Variants in GRN observed in about 807,000 individuals in gnomAD.
GRN encodes the protein granulin precursor.
GRN carries 30 observed loss-of-function variants against 66.7 expected under a neutral mutation model. The ratio of observed to expected loss-of-function variants is 0.45; its 90% CI spans 0.34 to 0.61. The LOEUF is 0.61. GRN is among the 20% of genes least tolerant of loss of function. GRN has a pLI of 0.01. For missense variants in GRN, 731 were observed against 803.5 expected (o/e 0.91, Z 1.09); for synonymous variants, 327 against 311.1 (o/e 1.05, Z -0.54).
At chr17:44,351,262 C>T (rs1238308928) in intron 8 of GRN, 99 bp downstream of exon 8, 27 of 1,534,752 alleles carry the variant, frequency 1.8e-5, no homozygotes, top group Non-Finnish European at 2.1e-5. Flanking sequence ...CGGTACCCTC[C>T]ATCTTCAACA....
Position 44,352,047 on chromosome 17 carries a change from C to T in GRN, c.1212C>T (p.Cys404=), listed in dbSNP as rs193026789. The T allele has an allele frequency of 7.4e-6, 12 of 1,613,480 alleles. No individual in the cohort carries two copies. In the East Asian group the frequency reaches 8.9e-5, roughly 12 times the overall value. The stretch of plus-strand genomic sequence containing the variant: ...GCTGCTCGGACCACCAGCACTGCTG[C>T]CCCCAGGGCTACACGTGTGTAGCTG... The part of the protein sequence containing the change: ...AVCCSDHQHC[C]PQGYTCVAEG... Residue 404 remains cysteine, a synonymous_variant, in exon 11 of 13, where the codon TGC becomes TGT. Coordinates refer to ENST00000053867, the MANE Select transcript of GRN (RefSeq NM_002087.4).
chr17:44,352,297 G>T (rs764049008), intron 11 of GRN, 44 bp from the exon 12 acceptor site: 1 of 1,604,762 alleles, frequency 6.2e-7, no homozygotes, highest in Admixed American at 1.7e-5. Context: ...AGCCCAGTGA[G>T]GGGACAGGAA....
rs767088439 is a variant in GRN at position 44,349,201 on chromosome 17, G to A, written c.37G>A (p.Gly13Arg). Reference protein sequence around the residue: ...TLVSWVALTAGLVAGTRCPDG... With the variant: ...TLVSWVALTARLVAGTRCPDG... ...GGTGAGCTGGGTGGCCTTAACAGCAGGGCTGGTGGCTGGAACGCGGTGCCC... is the reference window on the plus strand; with the variant it reads ...GGTGAGCTGGGTGGCCTTAACAGCAAGGCTGGTGGCTGGAACGCGGTGCCC... The change falls in exon 2 of 13, where the codon GGG becomes AGG. Residue 13 changes from glycine to arginine, a missense_variant. Around this residue, in one of 3 missense-constraint regions of GRN, gnomAD observed 370 missense variants for 379.8 expected, o/e 0.97. Coordinates refer to ENST00000053867, the MANE Select transcript of GRN (RefSeq NM_002087.4). 6.2e-7 allele frequency: 1 copy of A among 1,614,174 alleles called. No individual in the cohort carries two copies. Among genetic ancestry groups the A allele is most frequent in the East Asian group, 2.2e-5 (1 of 44,888 alleles).
In GRN at chr17:44,352,924, T is replaced by C. The variant is rs1344106077; in HGVS notation, c.*126T>C. ...CCCCATTCTGAGCTCCCCATCACCA[T>C]GGGAGGTGGGGCCTCAATCTAAGGC... is the stretch of plus-strand genomic sequence containing the variant. On this transcript the variant is annotated 3_prime_UTR_variant, in exon 13 of 13. Coordinates refer to ENST00000053867, the MANE Select transcript of GRN (RefSeq NM_002087.4). 3.3e-6 allele frequency: 3 copies of C among 911,714 alleles called. No homozygotes were observed. Among genetic ancestry groups the C allele is most frequent in the African/African-American group, 3.3e-5 (2 of 61,370 alleles). 56.5% of individuals were successfully genotyped at this position (911,714 alleles called of 1,614,324 possible). A position where few individuals can be genotyped will look rare whatever the true frequency, so the allele number is the denominator to read the frequency against.
chr17:44,351,959 G>C (rs929140231), intron 10 of GRN, 56 bp from the exon 11 acceptor site: 4 of 1,489,702 alleles, frequency 2.7e-6, no homozygotes, highest in Admixed American at 3.4e-5. Flanking sequence ...GTAGGGGCTC[G>C]GCACTGCGCC....
chr17:44,351,311 C>T (rs570501654), intron 8 of GRN, 52 bp from the exon 9 acceptor site: 1 of 1,531,342 alleles, frequency 6.5e-7, no homozygotes, highest in East Asian at 2.2e-5. Context: ...GGTTGATACC[C>T]CTGAGGGTCC....
At position 44,352,827 on chromosome 17, in the gene GRN, C is replaced by G. The variant is rs751858985; in HGVS notation, c.*29C>G. ...ACAGTACTGAAGACTCTGCAGCCCTCGGGACCCCACTCGGAGGGTGCCCTC... is the reference window on the plus strand; with the variant it reads ...ACAGTACTGAAGACTCTGCAGCCCTGGGGACCCCACTCGGAGGGTGCCCTC... On this transcript the variant is annotated 3_prime_UTR_variant, in exon 13 of 13. Coordinates refer to ENST00000053867, the MANE Select transcript of GRN (RefSeq NM_002087.4). The G allele has an allele frequency of 1.2e-6, 2 of 1,606,452 alleles. No individual in the cohort carries two copies. The highest frequency in any genetic ancestry group is 1.7e-4 in the Middle Eastern group (1 of 6,054).
At chr17:44,349,778 A>G (rs746056568) in intron 4 of GRN, 27 bp downstream of exon 4, 1 of 1,485,142 alleles carries the variant, frequency 6.7e-7, no homozygotes, top group Non-Finnish European at 9.4e-7. Flanking sequence ...GGTGCAGGGC[A>G]GGCAGACGGG....
At chr17:44,351,850 T>C (rs1567887838) in intron 10 of GRN, 55 bp downstream of exon 10, 3 of 1,586,016 alleles carry the variant, frequency 1.9e-6, no homozygotes, top group Non-Finnish European at 2.6e-6. Context: ...CAAGCTCCTA[T>C]TGCTTTCTGC....
Position 44,351,691 on chromosome 17 carries a change from G to A in GRN, c.1075G>A (p.Ala359Thr). 6.2e-7 allele frequency: 1 copy of A among 1,614,038 alleles called. No individual in the cohort carries two copies. Among genetic ancestry groups the A allele is most frequent in the South Asian group, 1.1e-5 (1 of 91,090 alleles). Residue 359 changes from alanine to threonine, a missense_variant, in exon 10 of 13, where the codon GCC becomes ACC. This residue lies in a region of GRN where 319 missense variants were observed against 347.2 expected (regional missense o/e 0.92). Coordinates refer to ENST00000053867, the MANE Select transcript of GRN (RefSeq NM_002087.4). ...PAHLSLPDPQ[A>T]LKRDVPCDNV... ...TCACCTCAGCCTGCCAGACCCACAA[G>A]CCTTGAAGAGAGATGTCCCCTGTGA...
chr17:44,349,535 G>A lies in GRN; in HGVS notation c.248G>A (p.Cys83Tyr), dbSNP rs758928736. 6.2e-7 allele frequency: 1 copy of A among 1,614,196 alleles called. No homozygotes were observed. The highest frequency in any genetic ancestry group is 8.5e-7 in the Non-Finnish European group (1 of 1,180,050). The change falls in exon 3 of 13, where the codon TGC (cysteine) becomes TAC (tyrosine). Residue 83 changes from cysteine (C) to tyrosine (Y), a missense_variant. Transcript: ENST00000053867. ...TTTACCGTCTCAGGGACTTCCAGTT[G>A]CTGCCCCTTCCCAGAGGTGAGCGTG... ...CIFTVSGTSS[C>Y]CPFPEAVACG...
rs2048393667 is a variant in GRN, at chr17:44,352,942, T to C, written c.*144T>C. 6.4e-6 allele frequency: 5 copies of C among 783,734 alleles called. No individual in the cohort carries two copies. The highest frequency in any genetic ancestry group is 1.1e-5 in the Non-Finnish European group (5 of 470,664). 48.5% of individuals were successfully genotyped at this position (783,734 alleles called of 1,614,324 possible). The stretch of plus-strand genomic sequence containing the variant: ...ATCACCATGGGAGGTGGGGCCTCAA[T>C]CTAAGGCCTTCCCTGTCAGAAGGGG... On this transcript the variant is annotated 3_prime_UTR_variant, in exon 13 of 13. Transcript: ENST00000053867.
rs752428000 is a variant in GRN at position 44,352,187 on chromosome 17, C to T, written c.1352C>T (p.Pro451Leu). 44 of 1,613,364 alleles carry T rather than the reference C, an allele frequency of 2.7e-5. No individual in the cohort carries two copies. Among genetic ancestry groups the T allele is most frequent in the Non-Finnish European group, 3.5e-5 (41 of 1,179,922 alleles). ...DIGCDQHTSC[P>L]VGQTCCPSLG... ...GGCTGTGACCAGCACACCAGCTGCC[C>T]GGTGGGGCAGACCTGCTGCCCGAGC... Residue 451 changes from proline to leucine, a missense_variant, in exon 11 of 13, where the codon CCG (proline) becomes CTG (leucine). Physicochemically the swap from Pro to Leu is moderately conservative, Grantham distance 98 (BLOSUM62 -3). Around this residue, in one of 3 missense-constraint regions of GRN, gnomAD observed 319 missense variants for 347.2 expected, o/e 0.92. Coordinates refer to ENST00000053867, the MANE Select transcript of GRN (RefSeq NM_002087.4).
rs565006095 is a variant in GRN at position 44,350,418 on chromosome 17, G to A, written c.463-24G>A. On this transcript the variant is annotated intron_variant, in intron 5 of 12. Coordinates refer to ENST00000053867, the MANE Select transcript of GRN (RefSeq NM_002087.4). Reference sequence around the variant, plus strand: ...GGGGCCAGGGGCAGGGGGTGAAGACGGAGTCAGGACCATTTTTTCTCAGGC... The same window carrying A: ...GGGGCCAGGGGCAGGGGGTGAAGACAGAGTCAGGACCATTTTTTCTCAGGC... The A allele has an allele frequency of 3.5e-5, 56 of 1,613,720 alleles. No homozygotes were observed. The East Asian group carries it at 6.0e-4, about 17-fold the overall frequency.
chr17:44,352,310 T>A (rs767081729), intron 11 of GRN, 31 bp from the exon 12 acceptor site: 1 of 1,602,816 alleles, frequency 6.2e-7, no homozygotes, highest in Admixed American at 1.7e-5. Context: ...GACAGGAACA[T>A]AATGCCATTC....
At position 44,352,159 on chromosome 17, in the gene GRN, A is replaced by G. The variant is rs949898815; in HGVS notation, c.1324A>G (p.Ile442Val). ...RRASLSHPRDIGCDQHTSCPV... is the reference protein window; with the variant it reads ...RRASLSHPRDVGCDQHTSCPV... Reference sequence around the variant, plus strand: ...GGCTTCCTTATCCCACCCCAGAGACATCGGCTGTGACCAGCACACCAGCTG... The same window carrying G: ...GGCTTCCTTATCCCACCCCAGAGACGTCGGCTGTGACCAGCACACCAGCTG... The change falls in exon 11 of 13, where the codon ATC becomes GTC. Residue 442 changes from isoleucine (I) to valine (V), a missense_variant. Coordinates refer to ENST00000053867, the MANE Select transcript of GRN (RefSeq NM_002087.4). The G allele has an allele frequency of 4.3e-6, 7 of 1,613,778 alleles. No homozygotes were observed. The highest frequency in any genetic ancestry group is 5.1e-6 in the Non-Finnish European group (6 of 1,179,970).
chr17:44,346,237 C>T, intron 1 of GRN: 1 of 153,138 alleles, frequency 6.5e-6, no homozygotes. Flanking sequence ...AGGTGCTTTG[C>T]CTGGGAGCTG....
At chr17:44,346,281 A>C in intron 1 of GRN, 1 of 152,538 alleles carries the variant, frequency 6.6e-6, no homozygotes, top group Non-Finnish European at 1.5e-5. Flanking sequence ...GTCCAGGACC[A>C]GTGAACTTCA....
intron 12 of GRN, 36 bp from the exon 13 acceptor site, chr17:44,352,625 C>T (rs751898559): frequency 1.2e-6 from 2 of 1,610,748 alleles, no homozygotes; most frequent in East Asian, 2.2e-5. Context: ...CAGGTCCCAC[C>T]TCGTCCAACC....
Sources: allele counts gnomAD v4.1 joint callset, GRCh38; gene constraint gnomAD v4.1.1; regional missense constraint gnomAD v4.1.1; transcripts MANE v1.5; gene names NCBI Gene and HGNC (gene_info 2026-07-23, HGNC 2026-07-21).